CAPRIN1: variants seen among roughly 807,000 people sequenced by gnomAD.
CAPRIN1 encodes cell cycle associated protein 1.
In CAPRIN1, 29 loss-of-function variants were observed where a neutral mutation model predicts 100.9. The observed-to-expected ratio is 0.29, with a 90% CI of 0.21 to 0.39. CAPRIN1 has a LOEUF of 0.39. Among genes scored for constraint, CAPRIN1 ranks in the 10% least tolerant of loss-of-function variants. The pLI, the probability that CAPRIN1 is intolerant of heterozygous loss-of-function variation, is 1.00. For synonymous variants in CAPRIN1, 338 were observed against 307.5 expected, an observed-to-expected ratio of 1.10 and a Z score of -1.04; for missense variants, 795 against 876.7, an observed-to-expected ratio of 0.91 and a Z score of 1.18.
At chr11:34,099,145 C>CAGGACAGGGGAAACT in intron 18 of CAPRIN1, 158 bp from the exon 19 acceptor site, 1 of 1,448,498 alleles carries the variant, frequency 6.9e-7, no homozygotes, top group Non-Finnish European at 9.1e-7. Flanking sequence ...TGACAACTTC[C>CAGGACAGGGGAAACT]AGGACAGGGG....
At chr11:34,063,809 T>G (rs1850629656) in intron 2 of CAPRIN1, among the ~76,000 whole-genome samples, 1 of 151,186 alleles carries the variant, frequency 6.6e-6, no homozygotes, top group Non-Finnish European at 1.5e-5. Flanking sequence ...ATGAAGATAG[T>G]TTTTTTTTGA....
intron 2 of CAPRIN1, among the ~76,000 whole-genome samples, chr11:34,071,113 A>G (rs763638194): frequency 3.9e-5 from 6 of 152,196 alleles, no homozygotes; most frequent in African/African-American, 4.8e-5. Flanking sequence ...CAGGATCCTA[A>G]CCAAATTGTG....
chr11:34,087,848 C>G (rs1375204922), intron 11 of CAPRIN1, among the ~76,000 whole-genome samples: 4 of 152,052 alleles, frequency 2.6e-5, no homozygotes, highest in Non-Finnish European at 5.9e-5. Flanking sequence ...ATTAGACTCT[C>G]CAGTGAAAAT....
At position 34,090,981 on chromosome 11, in the gene CAPRIN1, A is replaced by T. The variant is rs184262489; in HGVS notation, c.1554+303A>T. On this transcript the variant is annotated intron_variant, in intron 14 of 18. Coordinates refer to ENST00000341394, the MANE Select transcript of CAPRIN1 (RefSeq NM_005898.5). ...AGAAATAGACTAATATAACATCCAT[A>T]TAATCATTACCTAGATTTAATAGTT... 2.6e-5 allele frequency among the ~76,000 whole-genome samples: 4 copies of T among 152,334 alleles called. No homozygotes were observed. In the East Asian group the frequency reaches 7.7e-4, roughly 29 times the overall value.
At chr11:34,097,087 TTAAC>T in intron 16 of CAPRIN1, 105 bp from the exon 17 acceptor site, 1 of 746,930 alleles carries the variant, frequency 1.3e-6, no homozygotes, top group South Asian at 1.7e-5. Context: ...ATTAATTTGA[TTAAC>T]TAGCCTGGCT....
intron 2 of CAPRIN1, chr11:34,053,161 A>G: frequency 5.1e-6 from 5 of 987,672 alleles, no homozygotes; most frequent in Non-Finnish European, 6.0e-6. Context: ...CTTCCGTAGG[A>G]GAGAAGTGTG....
rs1287001250 is a variant in CAPRIN1 at position 34,086,183 on chromosome 11, T to C, written c.1086T>C (p.Leu362=). ...PLVRRQRVQD[L]MAQMQGPYNF... is the part of the protein sequence containing the mutation. ...TGAGAAGACAGCGAGTACAAGACCT[T>C]ATGGCACAAATGCAGGGTCCCTATA... Residue 362 remains leucine, a synonymous_variant, in exon 10 of 19, where the codon CTT becomes CTC. Transcript: ENST00000341394. The C allele has an allele frequency of 1.2e-6, 2 of 1,614,160 alleles. No homozygotes were observed. Among genetic ancestry groups the C allele is most frequent in the Non-Finnish European group, 1.7e-6 (2 of 1,180,016 alleles).
At chr11:34,053,163 AGAAGTGTGTTT>A in intron 2 of CAPRIN1, 4 of 987,520 alleles carry the variant, frequency 4.1e-6, no homozygotes, top group Non-Finnish European at 4.8e-6. Context: ...TCCGTAGGAG[AGAAGTGTGTTT>A]AGAATCTTAA....
intron 2 of CAPRIN1, among the ~76,000 whole-genome samples, chr11:34,069,437 C>A (rs1005007956): frequency 6.6e-6 from 1 of 151,908 alleles, no homozygotes; most frequent in Non-Finnish European, 1.5e-5. Flanking sequence ...TGTGAGCCAC[C>A]GGGCCTGGTC....
At chr11:34,067,005 G>C (rs536236845) in intron 2 of CAPRIN1, among the ~76,000 whole-genome samples, 7 of 149,876 alleles carry the variant, frequency 4.7e-5, no homozygotes, top group African/African-American at 1.7e-4. Context: ...TCTCGACTCA[G>C]TGTAGTCTCC....
chr11:34,098,714 C>A, intron 18 of CAPRIN1: 2 of 985,224 alleles, frequency 2.0e-6, no homozygotes, highest in Non-Finnish European at 2.4e-6. Context: ...TTCTTTCCCA[C>A]CTTGTAGCAT....
At chr11:34,073,985 G>A (rs904814525) in intron 4 of CAPRIN1, among the ~76,000 whole-genome samples, 9 of 152,078 alleles carry the variant, frequency 5.9e-5, no homozygotes, top group Admixed American at 4.6e-4. Context: ...AGGCTTAAGG[G>A]CAAGAGAGAG....
chr11:34,087,580 G>T (rs1390200025), intron 11 of CAPRIN1, among the ~76,000 whole-genome samples: 1 of 122,618 alleles, frequency 8.2e-6, no homozygotes, highest in Non-Finnish European at 1.8e-5. Flanking sequence ...TGATCCGCCC[G>T]CCTCGGCCTC....
intron 15 of CAPRIN1, among the ~76,000 whole-genome samples, chr11:34,095,627 CTTG>C (rs1291363298): frequency 1.3e-5 from 2 of 152,230 alleles, no homozygotes; most frequent in Non-Finnish European, 2.9e-5. Flanking sequence ...GCTTCTGACC[CTTG>C]TTGTTAGTGT....
At chr11:34,068,224 G>C (rs886940488) in intron 2 of CAPRIN1, among the ~76,000 whole-genome samples, 1 of 152,206 alleles carries the variant, frequency 6.6e-6, no homozygotes, top group African/African-American at 2.4e-5. Context: ...CAGAGTTACT[G>C]TATTTGTATG....
Position 34,100,841 on chromosome 11 carries a change from T to TTTAA in CAPRIN1, c.*1474_*1475insTTAA, listed in dbSNP as rs1273496737. 1 of 152,654 alleles carries TTTAA rather than the reference T, an allele frequency of 6.6e-6. No homozygotes were observed. Among genetic ancestry groups the TTTAA allele is most frequent in the Non-Finnish European group, 1.5e-5 (1 of 68,030 alleles). 9.5% of individuals were successfully genotyped at this position (152,654 alleles called of 1,614,324 possible). ...TGCCTAGGAAGTTAATGCTGCTTAT[T>TTTAA]GTCTCATTCTGACTTCATGGAGAAT... On this transcript the variant is annotated 3_prime_UTR_variant, in exon 19 of 19. Transcript: ENST00000341394.
Position 34,086,324 on chromosome 11 carries a change from A to G in CAPRIN1, c.1142A>G (p.Glu381Gly), listed in dbSNP as rs1851143663. 1 of 1,613,722 alleles carries G rather than the reference A, an allele frequency of 6.2e-7. No homozygotes were observed. The highest frequency in any genetic ancestry group is 8.5e-7 in the Non-Finnish European group (1 of 1,179,768). Residue 381 changes from glutamate (E) to glycine (G), a missense_variant, in exon 11 of 19, where the codon GAA becomes GGA. By Grantham distance (98) the Glu-to-Gly change is moderately conservative. Transcript: ENST00000341394. ...CTGTAGGATTCAATGCTGGATTTTG[A>G]AAATCAGACACTTGATCCTGCCATT... ...NFIQDSMLDF[E>G]NQTLDPAIVS... is the part of the protein sequence containing the mutation.
intron 2 of CAPRIN1, chr11:34,053,435 ATGGC>A (rs1182749982): frequency 6.6e-6 from 1 of 152,620 alleles, no homozygotes; most frequent in Non-Finnish European, 1.5e-5. Context: ...ACTGGAGAGG[ATGGC>A]TGGGACTCGG....
intron 2 of CAPRIN1, among the ~76,000 whole-genome samples, chr11:34,070,196 C>T (rs1850781940): frequency 6.6e-6 from 1 of 152,036 alleles, no homozygotes; most frequent in Non-Finnish European, 1.5e-5. Flanking sequence ...TAATAGTAGC[C>T]TGGGAAACCT....
Sources: gnomAD v4.1 joint callset for allele counts (sites outside exome capture counted in the v4.1 genomes callset) on GRCh38, gnomAD v4.1.1 for gene constraint, MANE v1.5 for transcripts, NCBI Gene and HGNC (gene_info 2026-07-23, HGNC 2026-07-21) for gene names.